The following ALK variants were observed in gnomAD, a reference collection of about 807,000 sequenced individuals.
ALK encodes ALK receptor tyrosine kinase, also known as ALK tyrosine kinase receptor.
In ALK, 74 loss-of-function variants were observed where a neutral mutation model predicts 163.1. That is an observed-to-expected ratio of 0.45 (90% CI 0.38 to 0.55). The LOEUF (loss-of-function observed/expected upper bound fraction) is 0.55. Ranked by LOEUF, ALK falls within the 20% of genes least tolerant of loss-of-function variation. The probability of loss-of-function intolerance (pLI) is 0.00; values close to 1 mark genes in which losing one functional copy is unlikely to be tolerated. For missense variants in ALK, 2,063 were observed against 2,105.3 expected (o/e 0.98, Z 0.39); for synonymous variants, 960 against 843.2 (o/e 1.14, Z -2.40).
intron 3 of ALK, among the ~76,000 whole-genome samples, chr2:29,576,561 T>C (rs1041699902): frequency 9.9e-5 from 15 of 152,190 alleles, no homozygotes; most frequent in Non-Finnish European, 1.8e-4. Context: ...AGCCCCATGC[T>C]GATTGCAGAT....
At chr2:29,297,517 C>G (rs950976343) in intron 8 of ALK, among the ~76,000 whole-genome samples, 1 of 152,106 alleles carries the variant, frequency 6.6e-6, no homozygotes, top group Non-Finnish European at 1.5e-5. Flanking sequence ...TCTCTCTTCC[C>G]CAAAGACTCT....
intron 1 of ALK, among the ~76,000 whole-genome samples, chr2:29,779,624 G>GTT (rs1681279694): frequency 6.6e-6 from 1 of 152,166 alleles, no homozygotes; most frequent in Non-Finnish European, 1.5e-5. Context: ...TGCAAAAGAA[G>GTT]CTCCCCAAGG....
chr2:29,332,628 A>G (rs953731676), intron 5 of ALK, among the ~76,000 whole-genome samples: 3 of 152,216 alleles, frequency 2.0e-5, no homozygotes, highest in Non-Finnish European at 4.4e-5. Flanking sequence ...ATAAGTATGT[A>G]TAGTTGTGTC....
chr2:29,567,049 T>G (rs1309361621), intron 3 of ALK, among the ~76,000 whole-genome samples: 1 of 152,240 alleles, frequency 6.6e-6, no homozygotes, highest in African/African-American at 2.4e-5. Context: ...TTTGTCAACT[T>G]AAATTATATA....
At chr2:29,293,934 G>C (rs1313933982) in intron 9 of ALK, among the ~76,000 whole-genome samples, 1 of 152,152 alleles carries the variant, frequency 6.6e-6, no homozygotes, top group Non-Finnish European at 1.5e-5. Context: ...ATGTGTGAAG[G>C]TTGAGGAACC....
At chr2:29,427,828 T>C (rs1435056193) in intron 4 of ALK, among the ~76,000 whole-genome samples, 1 of 152,080 alleles carries the variant, frequency 6.6e-6, no homozygotes, top group East Asian at 1.9e-4. Context: ...GAATAAAAAA[T>C]CTTCTTAAAT....
chr2:29,465,335 A>C (rs1671183712), intron 4 of ALK, among the ~76,000 whole-genome samples: 1 of 152,206 alleles, frequency 6.6e-6, no homozygotes, highest in African/African-American at 2.4e-5. Flanking sequence ...CAACATAAAC[A>C]TCCTTTCAAA....
At chr2:29,322,691 GGGTCT>G (rs1667100004) in intron 6 of ALK, among the ~76,000 whole-genome samples, 1 of 152,188 alleles carries the variant, frequency 6.6e-6, no homozygotes, top group African/African-American at 2.4e-5. Flanking sequence ...GAAATTAGCC[GGGTCT>G]GGTGGTGGGT....
chr2:29,785,906 T>G (rs1365142291), intron 1 of ALK, among the ~76,000 whole-genome samples: 3 of 147,420 alleles, frequency 2.0e-5, no homozygotes, highest in Admixed American at 2.0e-4. Flanking sequence ...GAAATGTTTT[T>G]GAGTATACAC....
At position 29,666,002 on chromosome 2, in the gene ALK, C is replaced by T. The variant is rs181284354; in HGVS notation, c.952+28848G>A. Among the ~76,000 whole-genome samples the T allele has an allele frequency of 3.4e-3, 512 of 152,244 alleles. 3 individuals are homozygous for T. Among genetic ancestry groups the T allele is most frequent in the Non-Finnish European group, 4.4e-3 (299 of 68,010 alleles). ...ATGCATGGGTGTTTCTCATTCCCTTCTGCTGTCCTGCCACCATGCCGAAGT... is the reference window on the plus strand; with the variant it reads ...ATGCATGGGTGTTTCTCATTCCCTTTTGCTGTCCTGCCACCATGCCGAAGT... On this transcript the variant is annotated intron_variant, in intron 3 of 28. Transcript: ENST00000389048.
At chr2:29,418,241 C>A (rs1193746825) in intron 4 of ALK, among the ~76,000 whole-genome samples, 1 of 152,146 alleles carries the variant, frequency 6.6e-6, no homozygotes, top group Admixed American at 6.5e-5. Context: ...CTTTTACATG[C>A]TCTGTCTGGT....
At chr2:29,522,652 G>A (rs1672845548) in intron 4 of ALK, among the ~76,000 whole-genome samples, 1 of 152,106 alleles carries the variant, frequency 6.6e-6, no homozygotes, top group South Asian at 2.1e-4. Flanking sequence ...CAGAGGAGGG[G>A]ACATTGCATG....
At chr2:29,216,860 ATG>A (rs1185090931) in intron 23 of ALK, among the ~76,000 whole-genome samples, 9 of 142,170 alleles carry the variant, frequency 6.3e-5, no homozygotes, top group South Asian at 2.3e-4. Flanking sequence ...TGTGTGTTGT[ATG>A]TGTGTGGTGT....
intron 1 of ALK, among the ~76,000 whole-genome samples, chr2:29,872,895 C>T (rs1666615185): frequency 6.6e-6 from 1 of 152,174 alleles, no homozygotes; most frequent in African/African-American, 2.4e-5. Context: ...ATCCTCTGTC[C>T]CACTGCCCAA....
chr2:29,902,122 A>G (rs559884453), intron 1 of ALK, among the ~76,000 whole-genome samples: 3 of 152,290 alleles, frequency 2.0e-5, no homozygotes, highest in African/African-American at 4.8e-5. Flanking sequence ...GACTTCTTAC[A>G]TGAGTTCTAG....
intron 3 of ALK, among the ~76,000 whole-genome samples, chr2:29,569,135 T>C (rs1473447425): frequency 6.6e-6 from 1 of 152,142 alleles, no homozygotes; most frequent in Non-Finnish European, 1.5e-5. Flanking sequence ...GACTGTTAAC[T>C]TGAACCTGCC....
chr2:29,597,472 A>G (rs895675875), intron 3 of ALK, among the ~76,000 whole-genome samples: 8 of 152,212 alleles, frequency 5.3e-5, no homozygotes, highest in African/African-American at 1.9e-4. Context: ...AAATTCCTCC[A>G]CAAAGCCCAG....
At chr2:29,740,356 G>A (rs772755306) in intron 1 of ALK, among the ~76,000 whole-genome samples, 44 of 152,108 alleles carry the variant, frequency 2.9e-4, no homozygotes, top group Non-Finnish European at 6.3e-4. Flanking sequence ...CAAAGAGGGA[G>A]AGAGAGATGG....
intron 4 of ALK, among the ~76,000 whole-genome samples, chr2:29,440,780 C>T (rs998761800): frequency 9.9e-5 from 15 of 152,206 alleles, no homozygotes; most frequent in African/African-American, 3.6e-4. Context: ...CTCTTTGATG[C>T]CAAAGTGATC....
Sources: gnomAD v4.1 joint callset for allele counts (sites outside exome capture counted in the v4.1 genomes callset) on GRCh38, gnomAD v4.1.1 for gene constraint, MANE v1.5 for transcripts, NCBI Gene and HGNC (gene_info 2026-07-23, HGNC 2026-07-21) for gene names.